Variants in CACNA2D2 observed in about 807,000 individuals in gnomAD.
The protein encoded by CACNA2D2 is voltage-dependent calcium channel subunit alpha-2/delta-2.
In CACNA2D2, 48 loss-of-function variants were observed where a neutral mutation model predicts 166.4. That is an observed-to-expected ratio of 0.29 (90% CI 0.23 to 0.37). CACNA2D2 has a LOEUF of 0.37. Ranked by LOEUF, CACNA2D2 falls within the 10% of genes least tolerant of loss-of-function variation. The pLI is 1.00. For missense variants in CACNA2D2, 1,122 were observed against 1,433.0 expected, an observed-to-expected ratio of 0.78 and a Z score of 3.50; for synonymous variants, 561 against 573.7, an observed-to-expected ratio of 0.98 and a Z score of 0.32.
At chr3:50,399,452 C>G (rs915877310) in intron 3 of CACNA2D2, among the ~76,000 whole-genome samples, 34 of 152,128 alleles carry the variant, frequency 2.2e-4, no homozygotes, top group African/African-American at 7.2e-4. Flanking sequence ...CTGAGCCAGG[C>G]AGAAGCTGTG....
chr3:50,417,592 G>A (rs1002441912), intron 3 of CACNA2D2, among the ~76,000 whole-genome samples: 11 of 152,182 alleles, frequency 7.2e-5, no homozygotes, highest in Admixed American at 2.6e-4. Flanking sequence ...CTGGATCACC[G>A]GTGGGTAGGT....
Position 50,378,119 on chromosome 3 carries a change from G to T in CACNA2D2, c.1390-22C>A, listed in dbSNP as rs587629057. The T allele has an allele frequency of 2.5e-6, 4 of 1,608,690 alleles. No homozygotes were observed. In the African/African-American group the frequency reaches 4.0e-5, roughly 16 times the overall value. ...ATTCCTGGGGAGGGGGCAGTGGTGG[G>T]GGTAATGAGTGCCTTTCCCAGGCAC... On this transcript the variant is annotated intron_variant, in intron 14 of 37. Coordinates refer to ENST00000424201, the MANE Select transcript of CACNA2D2 (RefSeq NM_006030.4).
intron 2 of CACNA2D2, among the ~76,000 whole-genome samples, chr3:50,470,522 T>C (rs1481381469): frequency 7.2e-6 from 1 of 138,610 alleles, no homozygotes; most frequent in Non-Finnish European, 1.5e-5. Context: ...ATGGATGAAA[T>C]AGCTTTAGAA....
intron 2 of CACNA2D2, among the ~76,000 whole-genome samples, chr3:50,449,396 A>G (rs1709003062): frequency 6.6e-6 from 1 of 152,180 alleles, no homozygotes; most frequent in South Asian, 2.1e-4. Context: ...GAGGTGATGC[A>G]TGAGCAGTCG....
At position 50,365,798 on chromosome 3, in the gene CACNA2D2, C is replaced by T; in HGVS notation, c.2915+12G>A. The T allele has an allele frequency of 1.2e-6, 2 of 1,613,524 alleles. No homozygotes were observed. Among genetic ancestry groups the T allele is most frequent in the Non-Finnish European group, 1.7e-6 (2 of 1,180,004 alleles). On this transcript the variant is annotated intron_variant, in intron 33 of 37. Transcript: ENST00000424201. The surrounding 1 kb of genome is among the most constrained non-coding windows in gnomAD (Gnocchi z 4.5). ...GAGCACCTTCTCTACCCACCTCCCG[C>T]TCAGGACTCACCAGGCGGCAGCAGA...
rs587630447 is a variant in CACNA2D2, at chr3:50,387,017, G to A, written c.510+551C>T. Among the ~76,000 whole-genome samples the A allele has an allele frequency of 4.6e-5, 7 of 152,328 alleles. No individual in the cohort carries two copies. The South Asian group carries it at 8.3e-4, about 18-fold the overall frequency. ...CTCAGAGGGCAGCCCGGGCGGACTT[G>A]AGCCAGTGAGTGACATGGAGGCAGA... On this transcript the variant is annotated intron_variant, in intron 5 of 37. Transcript: ENST00000424201.
intron 2 of CACNA2D2, among the ~76,000 whole-genome samples, chr3:50,471,711 T>C (rs1258562184): frequency 6.6e-6 from 1 of 150,672 alleles, no homozygotes; most frequent in Non-Finnish European, 1.5e-5. Flanking sequence ...AGAGTGGCCC[T>C]GTCCCACCTA....
chr3:50,384,495 G>A (rs1185269526), intron 5 of CACNA2D2, among the ~76,000 whole-genome samples, 158 bp from the exon 6 acceptor site: 1 of 152,194 alleles, frequency 6.6e-6, no homozygotes, highest in Non-Finnish European at 1.5e-5. Flanking sequence ...GAGAGACTCA[G>A]GGACAGATGG....
rs1704892807 is a variant in CACNA2D2 at position 50,374,929 on chromosome 3, A to G, written c.1908-116T>C. The G allele has an allele frequency of 6.1e-6, 5 of 821,580 alleles. No homozygotes were observed. The East Asian group carries it at 1.3e-4, about 22-fold the overall frequency. 50.9% of individuals were successfully genotyped at this position (821,580 alleles called of 1,614,324 possible). A position where few individuals can be genotyped will look rare whatever the true frequency, so the allele number is the denominator to read the frequency against. Reference sequence around the variant, plus strand: ...AGCTGCAGCATCCCCTCCTCCCACCACCAGGGACCCCTCTCCCCGCTTAGC... The same window carrying G: ...AGCTGCAGCATCCCCTCCTCCCACCGCCAGGGACCCCTCTCCCCGCTTAGC... On this transcript the variant is annotated intron_variant, in intron 21 of 37. Coordinates refer to ENST00000424201, the MANE Select transcript of CACNA2D2 (RefSeq NM_006030.4).
chr3:50,370,691 C>G (rs368638802), intron 22 of CACNA2D2, among the ~76,000 whole-genome samples: 1 of 151,904 alleles, frequency 6.6e-6, no homozygotes, highest in Admixed American at 6.6e-5. Context: ...GGCTGTATAG[C>G]ACATATACAC....
At chr3:50,370,026 G>A (rs1221408277) in intron 23 of CACNA2D2, among the ~76,000 whole-genome samples, 3 of 152,230 alleles carry the variant, frequency 2.0e-5, no homozygotes, top group East Asian at 1.9e-4. Flanking sequence ...ACCCCAGGGC[G>A]GAAAGGGCTC....
At chr3:50,491,238 G>T (rs1186657938) in intron 1 of CACNA2D2, among the ~76,000 whole-genome samples, 1 of 152,218 alleles carries the variant, frequency 6.6e-6, no homozygotes, top group Non-Finnish European at 1.5e-5. Context: ...GGTGGCAGGG[G>T]GAGCACCACT....
intron 2 of CACNA2D2, among the ~76,000 whole-genome samples, chr3:50,455,497 T>C (rs1482444141): frequency 6.6e-6 from 1 of 152,216 alleles, no homozygotes; most frequent in Non-Finnish European, 1.5e-5. Context: ...ATATTTTAAA[T>C]AGCGACACTT....
chr3:50,379,119 A>G lies in CACNA2D2; in HGVS notation c.1233T>C (p.Phe411=), dbSNP rs773689565. Residue 411 remains phenylalanine, a synonymous_variant, in exon 12 of 38, where the codon TTT becomes TTC. Transcript: ENST00000424201. The surrounding 1 kb of genome is among the most constrained non-coding windows in gnomAD (Gnocchi z 6.5). ...DGGEDRVQDV[F]EKYNWPNRTV... Reference sequence around the variant, plus strand: ...TCCGGTTTGGCCAATTGTACTTCTCAAAGACGTCCTGCACGCGGTCCTCAC... The same window carrying G: ...TCCGGTTTGGCCAATTGTACTTCTCGAAGACGTCCTGCACGCGGTCCTCAC... The G allele has an allele frequency of 6.8e-6, 11 of 1,613,784 alleles. No homozygotes were observed.
intron 1 of CACNA2D2, among the ~76,000 whole-genome samples, chr3:50,489,777 T>A (rs904545144): frequency 6.6e-6 from 1 of 151,492 alleles, no homozygotes; most frequent in Non-Finnish European, 1.5e-5. Context: ...CTCCACACCC[T>A]GACTGGGGAG....
chr3:50,401,268 T>C (rs1037398493), intron 3 of CACNA2D2, among the ~76,000 whole-genome samples: 4 of 152,190 alleles, frequency 2.6e-5, no homozygotes, highest in African/African-American at 9.7e-5. Context: ...GATTTTTTTT[T>C]TAATTTAAAA....
In CACNA2D2 at chr3:50,362,954, AC is replaced by A. The variant is rs976601877; in HGVS notation, c.*1711del. The A allele has an allele frequency of 2.3e-5, 9 of 397,370 alleles. No individual in the cohort carries two copies. The highest frequency in any genetic ancestry group is 1.9e-4 in the African/African-American group (9 of 48,606). The allele number at this position is 397,370 out of a possible 1,614,324, so 24.6% of individuals were successfully genotyped here. ...CAACTTGTCTGTACAAAATAGAACA[AC>A]AAAAAAAGGGCAGAGAAAAGGAAAT... is the stretch of plus-strand genomic sequence containing the variant. On this transcript the variant is annotated 3_prime_UTR_variant, in exon 38 of 38. Transcript: ENST00000424201.
chr3:50,404,297 A>C (rs1559915711), intron 3 of CACNA2D2, among the ~76,000 whole-genome samples: 1 of 152,138 alleles, frequency 6.6e-6, no homozygotes, highest in Non-Finnish European at 1.5e-5. Flanking sequence ...TGGGGTCTGA[A>C]CTGCTGAAGT....
intron 3 of CACNA2D2, among the ~76,000 whole-genome samples, chr3:50,431,840 C>T (rs1708076263): frequency 6.6e-6 from 1 of 151,878 alleles, no homozygotes; most frequent in African/African-American, 2.4e-5. Flanking sequence ...CATAAATTAG[C>T]TGGGCATGGT....
Sources: allele counts gnomAD v4.1 joint callset (sites outside exome capture counted in the v4.1 genomes callset), GRCh38; gene constraint gnomAD v4.1.1; non-coding constraint Gnocchi (gnomAD v3.1); transcripts MANE v1.5; gene names NCBI Gene and HGNC (gene_info 2026-07-23, HGNC 2026-07-21).